FAM118B: variants seen among roughly 807,000 people sequenced by gnomAD.
The protein encoded by FAM118B is SIR2 antiphage like 1, also known as protein FAM118B.
Under a neutral mutation model 38.5 loss-of-function variants are expected in FAM118B, and 24 were observed. The ratio of observed to expected loss-of-function variants is 0.62; its 90% CI spans 0.45 to 0.88. The LOEUF is 0.88. FAM118B is among the 40% of genes least tolerant of loss of function. The pLI, the probability that FAM118B is intolerant of heterozygous loss-of-function variation, is 0.00. For synonymous variants in FAM118B, 138 were observed against 156.3 expected (o/e 0.88, Z 0.87); for missense variants, 334 against 420.0 (o/e 0.80, Z 1.79).
intron 5 of FAM118B, 121 bp from the exon 6 acceptor site, chr11:126,254,184 A>G: frequency 8.2e-7 from 1 of 1,224,004 alleles, no homozygotes; most frequent in Non-Finnish European, 1.1e-6. Flanking sequence ...CTTGTCCTAT[A>G]TCATGAAGCT....
chr11:126,262,333 T>A lies in FAM118B; in HGVS notation c.*200T>A. The A allele has an allele frequency of 4.3e-5, 22 of 507,888 alleles. No individual in the cohort carries two copies. The highest frequency in any genetic ancestry group is 7.1e-5 in the East Asian group (2 of 28,242). The allele number at this position is 507,888 out of a possible 1,614,324, so 31.5% of individuals were successfully genotyped here. A position where few individuals can be genotyped will look rare whatever the true frequency, so the allele number is the denominator to read the frequency against. On this transcript the variant is annotated 3_prime_UTR_variant, in exon 9 of 9. Coordinates refer to ENST00000533050, the MANE Select transcript of FAM118B (RefSeq NM_024556.4). ...TGGTTCTTGATATTCTGCCGCCTGT[T>A]CAAGTTCAAGAATAAAAGCGACAGC...
intron 1 of FAM118B, among the ~76,000 whole-genome samples, chr11:126,220,909 G>A (rs1008538607): frequency 6.6e-6 from 1 of 151,958 alleles, no homozygotes; most frequent in Admixed American, 6.6e-5. Flanking sequence ...ATAGTAGGCC[G>A]GGCGCAGTGG....
At chr11:126,240,702 G>C in intron 3 of FAM118B, 90 bp from the exon 4 acceptor site, 1 of 1,348,646 alleles carries the variant, frequency 7.4e-7, no homozygotes, top group Non-Finnish European at 1.0e-6. Flanking sequence ...ATAAAAGTTA[G>C]CTAAAAACTG....
intron 3 of FAM118B, among the ~76,000 whole-genome samples, 193 bp downstream of exon 3, chr11:126,235,280 T>C (rs888679212): frequency 6.6e-6 from 1 of 152,228 alleles, no homozygotes; most frequent in African/African-American, 2.4e-5. Flanking sequence ...GTTTTTAAAA[T>C]CAGTATTTCA....
chr11:126,247,929 A>G (rs926758697), intron 4 of FAM118B, among the ~76,000 whole-genome samples: 5 of 146,948 alleles, frequency 3.4e-5, no homozygotes, highest in Non-Finnish European at 6.0e-5. Context: ...ACGTATATCT[A>G]TATATATATT....
chr11:126,241,874 C>A (rs926719167), intron 4 of FAM118B, among the ~76,000 whole-genome samples: 10 of 151,614 alleles, frequency 6.6e-5, no homozygotes, highest in African/African-American at 2.2e-4. Context: ...AAAAATCAGG[C>A]TTCTAGGGCC....
intron 1 of FAM118B, among the ~76,000 whole-genome samples, chr11:126,221,655 A>G (rs897211487): frequency 6.6e-6 from 1 of 151,714 alleles, no homozygotes; most frequent in Non-Finnish European, 1.5e-5. Context: ...TTTAGTTGGT[A>G]TTTTAATATC....
intron 3 of FAM118B, among the ~76,000 whole-genome samples, chr11:126,235,705 G>GACAC: frequency 6.6e-6 from 1 of 152,290 alleles, no homozygotes; most frequent in African/African-American, 2.4e-5. Context: ...ATTTTTAGTA[G>GACAC]AGATGGGGTT....
chr11:126,218,421 C>T (rs546922341), intron 1 of FAM118B, among the ~76,000 whole-genome samples: 2 of 152,314 alleles, frequency 1.3e-5, no homozygotes, highest in East Asian at 3.9e-4. Flanking sequence ...TCTCACTTCC[C>T]TGCTTTGTTT....
intron 7 of FAM118B, chr11:126,260,565 TTGTAAGTCA>T (rs1340042209): frequency 6.6e-6 from 1 of 152,222 alleles, no homozygotes; most frequent in Non-Finnish European, 1.5e-5. Context: ...TGCCAGTTTT[TTGTAAGTCA>T]TGTTGTGAAA....
chr11:126,244,322 T>TA lies in FAM118B; in HGVS notation c.339+3279dup, dbSNP rs911264163. On this transcript the variant is annotated intron_variant, in intron 4 of 8. Transcript: ENST00000533050. The surrounding 1 kb of genome is among the most constrained non-coding windows in gnomAD (Gnocchi z 4.5). ...GCCTCTGTTTGCAGATGTGATGATC[T>TA]AGTCTATAGAAGATCCTAGGTTATC... is the stretch of plus-strand genomic sequence containing the variant. Among the ~76,000 whole-genome samples, 6 of 152,208 alleles carry TA rather than the reference T, an allele frequency of 3.9e-5. No individual in the cohort carries two copies. Among genetic ancestry groups the TA allele is most frequent in the African/African-American group, 1.4e-4 (6 of 41,456 alleles).
Position 126,240,799 on chromosome 11 carries a change from C to T in FAM118B, c.94C>T (p.Leu32Phe), listed in dbSNP as rs1453095568. The change falls in exon 4 of 9, where the codon CTT becomes TTT. Residue 32 changes from leucine to phenylalanine, a missense_variant. Around this residue, in one of 3 missense-constraint regions of FAM118B, gnomAD observed 240 missense variants for 295.9 expected, o/e 0.81. Transcript: ENST00000533050. ...EPPTKKPRKL[L>F]PSLKTKKPRE... is the part of the protein sequence containing the mutation. ...TTTGTTTTGCTTTTATAGGAAGCTG[C>T]TTCCAAGCTTAAAAACTAAGAAGCC... 2 of 1,603,118 alleles carry T rather than the reference C, an allele frequency of 1.2e-6. No individual in the cohort carries two copies. The highest frequency in any genetic ancestry group is 1.7e-5 in the Admixed American group (1 of 57,540).
intron 2 of FAM118B, among the ~76,000 whole-genome samples, chr11:126,232,043 G>A (rs1222193203): frequency 6.6e-6 from 1 of 152,094 alleles, no homozygotes; most frequent in South Asian, 2.1e-4. Flanking sequence ...GATAGTTTTG[G>A]ACTTTAAGTT....
rs1216456656 is a variant in FAM118B, at chr11:126,261,457, T to G, written c.1015T>G (p.Ser339Ala). 1.2e-6 allele frequency: 2 copies of G among 1,613,994 alleles called. No homozygotes were observed. The highest frequency in any genetic ancestry group is 1.7e-6 in the Non-Finnish European group (2 of 1,179,838). Reference sequence around the variant, plus strand: ...GGTGAGAGAAGGTCAGCTAAATGGCTCATCTGCAGCACACAGTGAAATAAG... The same window carrying G: ...GGTGAGAGAAGGTCAGCTAAATGGCGCATCTGCAGCACACAGTGAAATAAG... ...GMVREGQLNG[S>A]SAAHSEIRGC... Residue 339 changes from serine to alanine, a missense_variant, in exon 8 of 9, where the codon TCA becomes GCA. Transcript: ENST00000533050.
At chr11:126,235,851 A>G (rs1950267899) in intron 3 of FAM118B, among the ~76,000 whole-genome samples, 1 of 152,238 alleles carries the variant, frequency 6.6e-6, no homozygotes, top group African/African-American at 2.4e-5. Flanking sequence ...TTACATTATT[A>G]CGACTGTATA....
chr11:126,234,901 T>A, intron 2 of FAM118B, 94 bp from the exon 3 acceptor site: 1 of 945,366 alleles, frequency 1.1e-6, no homozygotes, highest in Non-Finnish European at 1.6e-6. Context: ...CCTTTAAGGG[T>A]ATACAGCTTT....
intron 3 of FAM118B, among the ~76,000 whole-genome samples, chr11:126,239,314 T>TA (rs1170427508): frequency 6.6e-6 from 1 of 152,074 alleles, no homozygotes; most frequent in Non-Finnish European, 1.5e-5. Flanking sequence ...GTATGTTATA[T>TA]AAAAAAATAC....
At chr11:126,262,034 T>C in intron 8 of FAM118B, 86 bp from the exon 9 acceptor site, 1 of 1,316,770 alleles carries the variant, frequency 7.6e-7, no homozygotes, top group Non-Finnish European at 1.1e-6. Flanking sequence ...TCTGAAGGGT[T>C]AGGATTGACT....
Position 126,240,813 on chromosome 11 carries a change from A to C in FAM118B, c.108A>C (p.Lys36Asn). Residue 36 changes from lysine (K) to asparagine (N), a missense_variant, in exon 4 of 9, where the codon AAA becomes AAC. Around this residue, in one of 3 missense-constraint regions of FAM118B, gnomAD observed 240 missense variants for 295.9 expected, o/e 0.81. Coordinates refer to ENST00000533050, the MANE Select transcript of FAM118B (RefSeq NM_024556.4). The stretch of plus-strand genomic sequence containing the variant: ...ATAGGAAGCTGCTTCCAAGCTTAAA[A>C]ACTAAGAAGCCTCGAGAACTTGTGC... ...KKPRKLLPSL[K>N]TKKPRELVLV... 6.2e-7 allele frequency: 1 copy of C among 1,606,202 alleles called. No individual in the cohort carries two copies. The highest frequency in any genetic ancestry group is 8.5e-7 in the Non-Finnish European group (1 of 1,177,040).
Sources: gnomAD v4.1 joint callset for allele counts (sites outside exome capture counted in the v4.1 genomes callset) on GRCh38, gnomAD v4.1.1 for gene constraint, gnomAD v4.1.1 regional missense constraint, Gnocchi (gnomAD v3.1) non-coding constraint, MANE v1.5 for transcripts, NCBI Gene and HGNC (gene_info 2026-07-23, HGNC 2026-07-21) for gene names.